Variants in RAB11B observed in about 807,000 individuals in gnomAD.
RAB11B encodes the protein RAB11B, member RAS oncogene family, also known as ras-related protein Rab-11B.
RAB11B carries 7 observed loss-of-function variants against 23.7 expected under a neutral mutation model. The ratio of observed to expected loss-of-function variants is 0.29; its 90% CI spans 0.17 to 0.55. The LOEUF is 0.55. Among genes scored for constraint, RAB11B ranks in the 20% least tolerant of loss-of-function variants. The pLI, the probability that RAB11B is intolerant of heterozygous loss-of-function variation, is 0.93. For missense variants in RAB11B, 189 were observed against 320.0 expected (o/e 0.59, Z 3.12); for synonymous variants, 138 against 132.0 (o/e 1.05, Z -0.31).
chr19:8,392,424 C>T (rs926758559), intron 1 of RAB11B, among the ~76,000 whole-genome samples: 4 of 149,690 alleles, frequency 2.7e-5, no homozygotes, highest in Admixed American at 6.6e-5. Context: ...GATTTAGCTT[C>T]TGCGGCATCT....
chr19:8,398,087 C>T (rs755507524), intron 1 of RAB11B, among the ~76,000 whole-genome samples: 3 of 152,130 alleles, frequency 2.0e-5, no homozygotes, highest in Non-Finnish European at 4.4e-5. Context: ...CCAGACCCCA[C>T]CCCAGAGCCT....
In RAB11B at chr19:8,403,712, C is replaced by G. The variant is rs1178131749; in HGVS notation, c.*154C>G. 2.2e-5 allele frequency: 24 copies of G among 1,078,290 alleles called. No individual in the cohort carries two copies. Among genetic ancestry groups the G allele is most frequent in the African/African-American group, 3.2e-5 (2 of 62,392 alleles). 66.8% of individuals were successfully genotyped at this position (1,078,290 alleles called of 1,614,324 possible). On this transcript the variant is annotated 3_prime_UTR_variant, in exon 5 of 5. Transcript: ENST00000328024. ...GGCCGGGGCCCAGGAAGGACAGGAG[C>G]CAGTGCTACCCCGTCCTGCCCGGGG...
intron 2 of RAB11B, 157 bp downstream of exon 2, chr19:8,400,215 G>A (rs899795935): frequency 3.1e-5 from 29 of 925,822 alleles, no homozygotes; most frequent in Admixed American, 9.8e-5. Context: ...GCCATGCGCC[G>A]TGGGACCCTC....
At position 8,402,143 on chromosome 19, in the gene RAB11B, C is replaced by T. The variant is rs758717280; in HGVS notation, c.294C>T (p.Thr98=). Residue 98 remains threonine (T), a synonymous_variant, in exon 3 of 5, where the codon ACC becomes ACT. Transcript: ENST00000328024. ...TGTACGACATCGCCAAGCACCTGAC[C>T]TATGAGAACGTGGAGCGCTGGCTGA... The part of the protein sequence containing the change: ...LLVYDIAKHL[T]YENVERWLKE... The T allele has an allele frequency of 5.6e-6, 9 of 1,608,948 alleles. No homozygotes were observed. The highest frequency in any genetic ancestry group is 7.6e-6 in the Non-Finnish European group (9 of 1,177,844).
Position 8,391,203 on chromosome 19 carries a change from C to T in RAB11B, c.40+747C>T, listed in dbSNP as rs74495665. Among the ~76,000 whole-genome samples the T allele has an allele frequency of 8.5e-3, 1,302 of 152,342 alleles. 21 individuals are homozygous for T. The highest frequency in any genetic ancestry group is 0.031 in the African/African-American group (1,269 of 41,574). On this transcript the variant is annotated intron_variant, in intron 1 of 4. Transcript: ENST00000328024. ...CCCTTTGAGGTTGATACTAACCAGC[C>T]TCTCTTTTTACACGTTGGGAAACTG...
chr19:8,403,654 G>C lies in RAB11B; in HGVS notation c.*96G>C. ...CCTGCTGTCCCTCTGTGGCCGGCTC[G>C]TTCCAGCCCTCCCAGTGAGCTCTGC... is the stretch of plus-strand genomic sequence containing the variant. On this transcript the variant is annotated 3_prime_UTR_variant, in exon 5 of 5. Coordinates refer to ENST00000328024, the MANE Select transcript of RAB11B (RefSeq NM_004218.4). The C allele has an allele frequency of 6.7e-7, 1 of 1,496,422 alleles. No homozygotes were observed. Among genetic ancestry groups the C allele is most frequent in the Non-Finnish European group, 9.0e-7 (1 of 1,113,570 alleles). The allele number at this position is 1,496,422 out of a possible 1,614,324, so 92.7% of individuals were successfully genotyped here. A position where few individuals can be genotyped will look rare whatever the true frequency, so the allele number is the denominator to read the frequency against.
At chr19:8,394,358 G>C (rs912365240) in intron 1 of RAB11B, among the ~76,000 whole-genome samples, 1 of 152,172 alleles carries the variant, frequency 6.6e-6, no homozygotes. Flanking sequence ...GTTTCGCCAT[G>C]TTGACAGGCT....
At chr19:8,399,700 C>T (rs995229209) in intron 1 of RAB11B, among the ~76,000 whole-genome samples, 163 bp from the exon 2 acceptor site, 1 of 152,252 alleles carries the variant, frequency 6.6e-6, no homozygotes, top group Non-Finnish European at 1.5e-5. Context: ...CACTTCTGCA[C>T]CACTTAGCAC....
At chr19:8,392,793 C>T (rs369810463) in intron 1 of RAB11B, among the ~76,000 whole-genome samples, 14 of 136,050 alleles carry the variant, frequency 1.0e-4, no homozygotes, top group South Asian at 5.1e-4. Flanking sequence ...CGGGTTCAAA[C>T]GATTCTCCTG....
At position 8,403,632 on chromosome 19, in the gene RAB11B, G is replaced by A. The variant is rs1599689372; in HGVS notation, c.*74G>A. The A allele has an allele frequency of 3.9e-6, 6 of 1,538,876 alleles. No homozygotes were observed. The highest frequency in any genetic ancestry group is 2.7e-5 in the African/African-American group (2 of 73,738). On this transcript the variant is annotated 3_prime_UTR_variant, in exon 5 of 5. Transcript: ENST00000328024. The stretch of plus-strand genomic sequence containing the variant: ...CCACGGTATCCTCTGGCCCCTCCCT[G>A]CTGTCCCTCTGTGGCCGGCTCGTTC...
In RAB11B at chr19:8,403,650, GCTCGTTCCAGCC is replaced by G. The variant is rs1682556482; in HGVS notation, c.*96_*107del. 2 of 1,501,738 alleles carry G rather than the reference GCTCGTTCCAGCC, an allele frequency of 1.3e-6. No individual in the cohort carries two copies. The highest frequency in any genetic ancestry group is 2.8e-5 in the African/African-American group (2 of 72,690). The allele number at this position is 1,501,738 out of a possible 1,614,324, so 93.0% of individuals were successfully genotyped here. On this transcript the variant is annotated 3_prime_UTR_variant, in exon 5 of 5. Coordinates refer to ENST00000328024, the MANE Select transcript of RAB11B (RefSeq NM_004218.4). ...CCTCCCTGCTGTCCCTCTGTGGCCG[GCTCGTTCCAGCC>G]CTCCCAGTGAGCTCTGCACGGCCGG...
At chr19:8,395,937 A>T (rs1971393595) in intron 1 of RAB11B, among the ~76,000 whole-genome samples, 1 of 152,182 alleles carries the variant, frequency 6.6e-6, no homozygotes, top group Non-Finnish European at 1.5e-5. Context: ...CTCACTTCCC[A>T]GGCGGTGGCT....
At chr19:8,392,010 G>A (rs2145505646) in intron 1 of RAB11B, among the ~76,000 whole-genome samples, 2 of 152,112 alleles carry the variant, frequency 1.3e-5, no homozygotes, top group South Asian at 4.1e-4. Context: ...GTGGCAGGAG[G>A]AAGCTTTGGA....
In RAB11B at chr19:8,396,037, C is replaced by A. The variant is rs187281902; in HGVS notation, c.41-3826C>A. Among the ~76,000 whole-genome samples, 2 of 152,208 alleles carry A rather than the reference C, an allele frequency of 1.3e-5. No homozygotes were observed. The highest frequency in any genetic ancestry group is 4.8e-5 in the African/African-American group (2 of 41,460). ...CAGGGTCCTGCTCTGCCCCGCACCC[C>A]GTTCCCCATCCAAGCCTCAGTTTCC... is the stretch of plus-strand genomic sequence containing the variant. On this transcript the variant is annotated intron_variant, in intron 1 of 4. Transcript: ENST00000328024. This position sits in a 1 kb window ranked among gnomAD's most constrained non-coding sequence, Gnocchi z 5.0.
rs11556320 is a variant in RAB11B at position 8,403,444 on chromosome 19, C to T, written c.543C>T (p.Ile181=). Residue 181 remains isoleucine (I), a synonymous_variant, in exon 5 of 5, where the codon ATC becomes ATT. Coordinates refer to ENST00000328024, the MANE Select transcript of RAB11B (RefSeq NM_004218.4). ...EIYRIVSQKQ[I]ADRAAHDESP... The stretch of plus-strand genomic sequence containing the variant: ...ACCGCATCGTGTCACAGAAACAGAT[C>T]GCAGACCGCGCTGCCCACGACGAGT... The T allele has an allele frequency of 8.1e-6, 13 of 1,613,970 alleles. No homozygotes were observed. The highest frequency in any genetic ancestry group is 4.5e-5 in the East Asian group (2 of 44,870).
chr19:8,390,616 A>T, intron 1 of RAB11B, 160 bp downstream of exon 1: 1 of 728,808 alleles, frequency 1.4e-6, no homozygotes, highest in Non-Finnish European at 1.9e-6. Context: ...GGGCAGCATC[A>T]GCTTCGGGCT....
At chr19:8,392,428 G>A (rs1376873146) in intron 1 of RAB11B, among the ~76,000 whole-genome samples, 6 of 151,814 alleles carry the variant, frequency 4.0e-5, no homozygotes, top group African/African-American at 1.2e-4. Flanking sequence ...TAGCTTCTGC[G>A]GCATCTGGCA....
In RAB11B at chr19:8,403,785, A is replaced by G. The variant is rs1325721946; in HGVS notation, c.*227A>G. ...CTGCACCCATGAAACTCGGGTCCCC[A>G]CAGCGTCTTGGCGGGGTGGGGAGGG... On this transcript the variant is annotated 3_prime_UTR_variant, in exon 5 of 5. Transcript: ENST00000328024. 5.2e-6 allele frequency: 3 copies of G among 576,100 alleles called. No homozygotes were observed. Among genetic ancestry groups the G allele is most frequent in the Non-Finnish European group, 8.5e-6 (3 of 352,606 alleles). 35.7% of individuals were successfully genotyped at this position (576,100 alleles called of 1,614,324 possible).
intron 1 of RAB11B, among the ~76,000 whole-genome samples, chr19:8,394,972 C>G (rs1971385375): frequency 6.6e-6 from 1 of 152,216 alleles, no homozygotes; most frequent in African/African-American, 2.4e-5. Context: ...TGAGGAGCCA[C>G]TAAGGCTGTA....
Sources: allele counts gnomAD v4.1 joint callset (sites outside exome capture counted in the v4.1 genomes callset), GRCh38; gene constraint gnomAD v4.1.1; non-coding constraint Gnocchi (gnomAD v3.1); transcripts MANE v1.5; gene names NCBI Gene and HGNC (gene_info 2026-07-23, HGNC 2026-07-21).